Variants in HMCN1 observed in about 807,000 individuals in gnomAD.
HMCN1 encodes hemicentin-1.
HMCN1 carries 321 observed loss-of-function variants against 625.9 expected under a neutral mutation model. The observed-to-expected ratio is 0.51, with a 90% confidence interval of 0.47 to 0.56. The LOEUF is 0.56. Ranked by LOEUF, HMCN1 falls within the 20% of genes least tolerant of loss-of-function variation. HMCN1 has a pLI of 0.00. For synonymous variants in HMCN1, 2,425 were observed against 2,417.6 expected (o/e 1.00, Z -0.09); for missense variants, 6,588 against 6,887.3 (o/e 0.96, Z 1.54).
At chr1:185,929,100 T>C (rs530564077) in intron 10 of HMCN1, among the ~76,000 whole-genome samples, 1 of 152,218 alleles carries the variant, frequency 6.6e-6, no homozygotes, top group South Asian at 2.1e-4. Context: ...CGTGAGAAAA[T>C]AAAGTTTAAG....
intron 5 of HMCN1, among the ~76,000 whole-genome samples, chr1:185,910,045 T>C (rs1666326694): frequency 6.6e-6 from 1 of 152,162 alleles, no homozygotes. Context: ...TTTGGTACCA[T>C]TGCTAGTTGA....
intron 1 of HMCN1, among the ~76,000 whole-genome samples, chr1:185,818,326 ATC>A (rs1659969311): frequency 6.6e-6 from 1 of 152,070 alleles, no homozygotes; most frequent in African/African-American, 2.4e-5. Context: ...TTGAGTTGAA[ATC>A]TGTTTGTTTC....
intron 11 of HMCN1, among the ~76,000 whole-genome samples, chr1:185,945,890 T>G (rs12035961): frequency 2.6e-5 from 4 of 152,180 alleles, no homozygotes; most frequent in Admixed American, 6.5e-5. Flanking sequence ...GAGGAATCAT[T>G]TGGTTTTGTG....
At chr1:186,004,263 A>G (rs551431374) in intron 29 of HMCN1, among the ~76,000 whole-genome samples, 1 of 152,206 alleles carries the variant, frequency 6.6e-6, no homozygotes, top group South Asian at 2.1e-4. Context: ...TATTTCTCCA[A>G]CTCCAGATCT....
chr1:186,132,980 T>A (rs1662026379), intron 86 of HMCN1, among the ~76,000 whole-genome samples: 1 of 152,186 alleles, frequency 6.6e-6, no homozygotes, highest in Non-Finnish European at 1.5e-5. Flanking sequence ...CTCATCGTTT[T>A]TTATAGCTGC....
Position 185,828,034 on chromosome 1 carries a change from C to T in HMCN1, c.269-17992C>T, listed in dbSNP as rs116589665. 1.7e-3 allele frequency among the ~76,000 whole-genome samples: 253 copies of T among 152,158 alleles called. 1 individual carries two copies. Among genetic ancestry groups the T allele is most frequent in the African/African-American group, 3.2e-3 (131 of 41,514 alleles). On this transcript the variant is annotated intron_variant, in intron 1 of 106. Coordinates refer to ENST00000271588, the MANE Select transcript of HMCN1 (RefSeq NM_031935.3). ...AGGCAATAGCAAACAATTTTGAACA[C>T]GCACAACTTAGGGAATATTGTTTAC...
rs1340163875 is a variant in HMCN1, at chr1:186,000,133, A to C, written c.3963A>C (p.Thr1321=). 6.2e-7 allele frequency: 1 copy of C among 1,613,064 alleles called. No homozygotes were observed. The highest frequency in any genetic ancestry group is 2.2e-5 in the East Asian group (1 of 44,836). Residue 1321 remains threonine (T), a synonymous_variant, in exon 26 of 107, where the codon ACA becomes ACC. Coordinates refer to ENST00000271588, the MANE Select transcript of HMCN1 (RefSeq NM_031935.3). The stretch of plus-strand genomic sequence containing the variant: ...GCATTTCTATCTTGGAAGATGGCAC[A>C]TTGCTGGTTATTGCTTCTGTTACAC... ...EPGISILEDG[T]LLVIASVTPY...
intron 19 of HMCN1, among the ~76,000 whole-genome samples, 180 bp from the exon 20 acceptor site, chr1:185,987,251 CT>C (rs1179857102): frequency 6.6e-6 from 1 of 152,098 alleles, no homozygotes; most frequent in Non-Finnish European, 1.5e-5. Flanking sequence ...ATCATAACTA[CT>C]TTATTGTCTT....
intron 13 of HMCN1, among the ~76,000 whole-genome samples, chr1:185,964,702 A>G (rs1650271790): frequency 1.3e-5 from 2 of 152,008 alleles, no homozygotes; most frequent in East Asian, 1.9e-4. Flanking sequence ...CTACAGTGGG[A>G]GGTTGGCAGA....
At chr1:185,916,765 A>G (rs1442677842) in intron 6 of HMCN1, among the ~76,000 whole-genome samples, 1 of 152,172 alleles carries the variant, frequency 6.6e-6, no homozygotes, top group Non-Finnish European at 1.5e-5. Flanking sequence ...GGCTTAATAC[A>G]AGAAAGTTAA....
At chr1:185,997,663 T>C in intron 25 of HMCN1, 139 bp downstream of exon 25, 1 of 687,752 alleles carries the variant, frequency 1.5e-6, no homozygotes, top group Non-Finnish European at 2.6e-6. Flanking sequence ...AACTAACCCA[T>C]TTTTCAGATA....
rs1197711071 is a variant in HMCN1, at chr1:186,067,937, T to G, written c.7809T>G (p.Pro2603=). Residue 2603 remains proline, a synonymous_variant, in exon 50 of 107, where the codon CCT becomes CCG. Transcript: ENST00000271588. Reference sequence around the variant, plus strand: ...TGGTCTGTGAAGCTTATTCATATCCTCCAGCTACCATCACCTGGTTTAAGG... The same window carrying G: ...TGGTCTGTGAAGCTTATTCATATCCGCCAGCTACCATCACCTGGTTTAAGG... The part of the protein sequence containing the change: ...TSLVCEAYSY[P]PATITWFKDG... 2.5e-6 allele frequency: 4 copies of G among 1,613,348 alleles called. No homozygotes were observed. Among genetic ancestry groups the G allele is most frequent in the Non-Finnish European group, 3.4e-6 (4 of 1,179,430 alleles).
chr1:185,778,867 G>A (rs1339641346), intron 1 of HMCN1, among the ~76,000 whole-genome samples: 4 of 152,152 alleles, frequency 2.6e-5, no homozygotes, highest in Non-Finnish European at 5.9e-5. Context: ...ACCCAGTAAT[G>A]GGATGGCTGG....
chr1:185,791,779 T>A (rs1421473639), intron 1 of HMCN1, among the ~76,000 whole-genome samples: 1 of 152,136 alleles, frequency 6.6e-6, no homozygotes, highest in African/African-American at 2.4e-5. Context: ...CAGTCATGAT[T>A]TCTTCATATA....
intron 1 of HMCN1, among the ~76,000 whole-genome samples, chr1:185,790,734 A>G (rs896635102): frequency 1.3e-5 from 2 of 152,184 alleles, no homozygotes; most frequent in Non-Finnish European, 2.9e-5. Context: ...ATCCCCCATT[A>G]TGCCAACCAA....
chr1:186,067,857 G>A lies in HMCN1; in HGVS notation c.7729G>A (p.Gly2577Ser). ...AGTATCTCCTACAATTGCTGGTGTA[G>A]GTAGTGATGGCAACCCTGAAGATGT... Reference protein sequence around the residue: ...VFVSPTIAGVGSDGNPEDVTV... With the variant: ...VFVSPTIAGVSSDGNPEDVTV... The change falls in exon 50 of 107, where the codon GGT becomes AGT. Residue 2577 changes from glycine (G) to serine (S), a missense_variant. Transcript: ENST00000271588. 2 of 1,612,610 alleles carry A rather than the reference G, an allele frequency of 1.2e-6. No homozygotes were observed. Among genetic ancestry groups the A allele is most frequent in the Non-Finnish European group, 1.7e-6 (2 of 1,178,718 alleles).
At chr1:185,911,864 C>A in intron 6 of HMCN1, 84 bp downstream of exon 6, 1 of 988,416 alleles carries the variant, frequency 1.0e-6, no homozygotes, top group Non-Finnish European at 1.6e-6. Flanking sequence ...TTTTTTTAAA[C>A]ATACACTCTT....
chr1:185,822,370 G>A (rs1309454194), intron 1 of HMCN1, among the ~76,000 whole-genome samples: 3 of 151,848 alleles, frequency 2.0e-5, no homozygotes, highest in Non-Finnish European at 4.4e-5. Context: ...AAACTTCTCT[G>A]AAAAAACAGT....
At chr1:186,012,116 A>G (rs1654039811) in intron 30 of HMCN1, among the ~76,000 whole-genome samples, 1 of 125,042 alleles carries the variant, frequency 8.0e-6, no homozygotes, top group African/African-American at 2.6e-5. Context: ...TACTGGTTCA[A>G]TGACACCTGA....
Sources: allele counts gnomAD v4.1 joint callset (sites outside exome capture counted in the v4.1 genomes callset), GRCh38; gene constraint gnomAD v4.1.1; transcripts MANE v1.5; gene names NCBI Gene and HGNC (gene_info 2026-07-23, HGNC 2026-07-21).